Variants in STAG1 observed in about 807,000 individuals in gnomAD.
STAG1 encodes cohesin subunit SA-1.
STAG1 carries 26 observed loss-of-function variants against 170.9 expected under a neutral mutation model. The observed-to-expected ratio is 0.15, with a 90% CI of 0.11 to 0.21. STAG1 has a LOEUF of 0.21. STAG1 is among the 10% of genes least tolerant of loss of function. The pLI, the probability that STAG1 is intolerant of heterozygous loss-of-function variation, is 1.00. For synonymous variants in STAG1, 514 were observed against 497.7 expected (o/e 1.03, Z -0.44); for missense variants, 964 against 1,509.5 (o/e 0.64, Z 5.99).
chr3:136,458,138 T>C (rs187341779), intron 13 of STAG1, among the ~76,000 whole-genome samples: 2 of 151,732 alleles, frequency 1.3e-5, no homozygotes, highest in Non-Finnish European at 2.9e-5. Context: ...TTTTTCTGTG[T>C]TTTTTTTCTG....
chr3:136,382,671 A>G (rs551990748), intron 22 of STAG1, among the ~76,000 whole-genome samples: 1 of 152,150 alleles, frequency 6.6e-6, no homozygotes, highest in South Asian at 2.1e-4. Context: ...TTGGCCTCCC[A>G]AAGTGCTGGG....
At chr3:136,527,906 G>T (rs749525742) in intron 6 of STAG1, among the ~76,000 whole-genome samples, 6 of 152,118 alleles carry the variant, frequency 3.9e-5, no homozygotes, top group Non-Finnish European at 5.9e-5. Context: ...AGTGAATATT[G>T]CTGAACAGCA....
intron 1 of STAG1, among the ~76,000 whole-genome samples, chr3:136,650,477 AC>A (rs950162959): frequency 3.3e-5 from 5 of 152,218 alleles, no homozygotes; most frequent in Non-Finnish European, 7.3e-5. Flanking sequence ...TGCAATAAAA[AC>A]GAAAGATTTT....
chr3:136,695,867 C>T (rs374890331), intron 1 of STAG1, among the ~76,000 whole-genome samples: 16 of 69,534 alleles, frequency 2.3e-4, no homozygotes, highest in African/African-American at 2.2e-4. Context: ...AGTTCTGGGG[C>T]GGGGGGATGG....
At chr3:136,590,719 T>C (rs960067326) in intron 4 of STAG1, among the ~76,000 whole-genome samples, 2 of 152,142 alleles carry the variant, frequency 1.3e-5, no homozygotes, top group African/African-American at 4.8e-5. Flanking sequence ...ATAAAGGTAA[T>C]TCAGCTGAAT....
intron 6 of STAG1, among the ~76,000 whole-genome samples, chr3:136,535,600 T>C (rs1055706209): frequency 1.3e-5 from 2 of 151,798 alleles, no homozygotes; most frequent in African/African-American, 2.4e-5. Context: ...GAGGTGGAGG[T>C]TGCAGTGAGC....
intron 1 of STAG1, among the ~76,000 whole-genome samples, chr3:136,743,059 A>C (rs868642478): frequency 6.6e-6 from 1 of 152,160 alleles, no homozygotes; most frequent in Non-Finnish European, 1.5e-5. Context: ...AAATCACTAG[A>C]CTGGTCAAGA....
chr3:136,674,150 G>GGAGAGAGA, intron 1 of STAG1, among the ~76,000 whole-genome samples: 1 of 55,942 alleles, frequency 1.8e-5, no homozygotes, highest in Non-Finnish European at 4.0e-5. Flanking sequence ...AAGGAGGGAG[G>GGAGAGAGA]GAGAGAGGGA....
At chr3:136,372,898 G>A (rs944582464) in intron 23 of STAG1, among the ~76,000 whole-genome samples, 12 of 152,094 alleles carry the variant, frequency 7.9e-5, no homozygotes, top group African/African-American at 2.7e-4. Flanking sequence ...TTTTTCTATT[G>A]ATTGGAATAG....
In STAG1 at chr3:136,553,364, ATAACAAT is replaced by A. The variant is rs542221793; in HGVS notation, c.395-11176_395-11170del. ...TAAAATGGAAAGAAAATTTAAAGAG[ATAACAAT>A]TAAGAAATTTTAGAATGAATGAAAA... is the stretch of plus-strand genomic sequence containing the variant. On this transcript the variant is annotated intron_variant, in intron 5 of 33. Transcript: ENST00000383202. Among the ~76,000 whole-genome samples, 398 of 152,342 alleles carry A rather than the reference ATAACAAT, an allele frequency of 2.6e-3. 1 individual carries two copies. Among genetic ancestry groups the A allele is most frequent in the African/African-American group, 9.2e-3 (382 of 41,574 alleles).
chr3:136,492,110 G>A (rs2090135570), intron 9 of STAG1, among the ~76,000 whole-genome samples: 1 of 152,232 alleles, frequency 6.6e-6, no homozygotes, highest in Non-Finnish European at 1.5e-5. Flanking sequence ...ACTACTTCCA[G>A]TACGTGCAGT....
chr3:136,498,264 AC>A (rs1933254862), intron 9 of STAG1, among the ~76,000 whole-genome samples: 2 of 96,568 alleles, frequency 2.1e-5, no homozygotes, highest in African/African-American at 9.1e-5. Flanking sequence ...ACACACACAC[AC>A]ACACACACCA....
intron 6 of STAG1, among the ~76,000 whole-genome samples, chr3:136,540,796 T>G: frequency 9.5e-6 from 1 of 104,802 alleles, no homozygotes; most frequent in African/African-American, 3.5e-5. Flanking sequence ...CGCTCCAGTC[T>G]GGGCGACAGA....
intron 3 of STAG1, among the ~76,000 whole-genome samples, chr3:136,619,056 GAAGCA>G (rs1164004347): frequency 2.6e-5 from 4 of 152,062 alleles, no homozygotes; most frequent in African/African-American, 9.7e-5. Flanking sequence ...GGAGAAGACA[GAAGCA>G]AAGAGTGGGA....
chr3:136,384,827 T>C (rs1157825440), intron 22 of STAG1, among the ~76,000 whole-genome samples: 1 of 151,168 alleles, frequency 6.6e-6, no homozygotes, highest in African/African-American at 2.4e-5. Context: ...AATATATTTA[T>C]ATATAAACAA....
At chr3:136,465,075 A>G (rs2089413433) in intron 12 of STAG1, 87 bp from the exon 13 acceptor site, 1 of 920,418 alleles carries the variant, frequency 1.1e-6, no homozygotes, top group Non-Finnish European at 1.6e-6. Flanking sequence ...AGTTCATTAT[A>G]AAGCTCAAGA....
chr3:136,656,694 GAAAT>G (rs999058667), intron 1 of STAG1, among the ~76,000 whole-genome samples: 3 of 146,510 alleles, frequency 2.0e-5, no homozygotes, highest in Non-Finnish European at 3.0e-5. Flanking sequence ...CCACATAAAG[GAAAT>G]AAATAAATAA....
At chr3:136,588,135 T>C (rs1194741872) in intron 4 of STAG1, among the ~76,000 whole-genome samples, 1 of 152,158 alleles carries the variant, frequency 6.6e-6, no homozygotes, top group Non-Finnish European at 1.5e-5. Context: ...TAGCAAAACA[T>C]GAATTCGCTC....
intron 7 of STAG1, among the ~76,000 whole-genome samples, chr3:136,513,567 G>GA (rs1015443428): frequency 6.6e-6 from 1 of 151,914 alleles, no homozygotes; most frequent in African/African-American, 2.4e-5. Flanking sequence ...CCAAAGACAA[G>GA]AAACAGGATC....
Sources: gnomAD v4.1 joint callset for allele counts (sites outside exome capture counted in the v4.1 genomes callset) on GRCh38, gnomAD v4.1.1 for gene constraint, MANE v1.5 for transcripts, NCBI Gene and HGNC (gene_info 2026-07-23, HGNC 2026-07-21) for gene names.